Variants in PMM2 observed in about 807,000 individuals in gnomAD.
PMM2 encodes the protein phosphomannomutase 2.
PMM2 carries 35 observed loss-of-function variants against 33.2 expected under a neutral mutation model. The ratio of observed to expected loss-of-function variants is 1.06; its 90% CI spans 0.81 to 1.40. PMM2 has a LOEUF of 1.40. Ranked by LOEUF, PMM2 falls within the 40% of genes most tolerant of loss-of-function variation. The pLI is 0.00. For synonymous variants in PMM2, 153 were observed against 114.7 expected (o/e 1.33, Z -2.13); for missense variants, 386 against 306.0 (o/e 1.26, Z -1.95).
At chr16:8,827,870 T>TG (rs1159710995) in intron 7 of PMM2, among the ~76,000 whole-genome samples, 4 of 106,920 alleles carry the variant, frequency 3.7e-5, no homozygotes, top group African/African-American at 1.4e-4. Context: ...ATATATTATA[T>TG]ATATGTTATA....
chr16:8,812,461 A>G (rs1276218180), intron 6 of PMM2, among the ~76,000 whole-genome samples: 1 of 152,214 alleles, frequency 6.6e-6, no homozygotes, highest in Non-Finnish European at 1.5e-5. Context: ...TATTTAACAG[A>G]TGAGTGGGTG....
At chr16:8,812,961 G>C (rs189031794) in intron 6 of PMM2, 30 bp from the exon 7 acceptor site, 1 of 1,234,932 alleles carries the variant, frequency 8.1e-7, no homozygotes, top group African/African-American at 1.5e-5. Context: ...TTCACCTTTT[G>C]CCTTTGTGTG....
intron 7 of PMM2, among the ~76,000 whole-genome samples, chr16:8,840,289 C>T (rs965285905): frequency 6.6e-6 from 1 of 151,860 alleles, no homozygotes; most frequent in Non-Finnish European, 1.5e-5. Flanking sequence ...TGGAGGGTGC[C>T]TTGCCAGCAA....
At chr16:8,843,435 G>C (rs1241442929) in intron 7 of PMM2, among the ~76,000 whole-genome samples, 2 of 152,124 alleles carry the variant, frequency 1.3e-5, no homozygotes, top group African/African-American at 4.8e-5. Context: ...CAGGTGAGTT[G>C]AACAGTCCGA....
intron 7 of PMM2, among the ~76,000 whole-genome samples, chr16:8,819,540 A>G (rs79267711): frequency 3.7e-4 from 57 of 152,170 alleles, no homozygotes; most frequent in African/African-American, 1.3e-3. Context: ...AAATTTTTAA[A>G]TCAACTTGAG....
At chr16:8,811,520 C>A in intron 5 of PMM2, 118 bp from the exon 6 acceptor site, 1 of 765,142 alleles carries the variant, frequency 1.3e-6, no homozygotes. Context: ...ACCCCCATCT[C>A]AAAAACTAAA....
In PMM2 at chr16:8,825,979, C is replaced by G. The variant is rs138162794; in HGVS notation, c.639+12873C>G. 1.2e-4 allele frequency among the ~76,000 whole-genome samples: 18 copies of G among 152,212 alleles called. No individual in the cohort carries two copies. The East Asian group carries it at 3.5e-3, about 29-fold the overall frequency. Reference sequence around the variant, plus strand: ...CCATATGGGCCAGGCTGGTTTCGAACTTCTGACCTCGTGATCTGCCTGCGT... The same window carrying G: ...CCATATGGGCCAGGCTGGTTTCGAAGTTCTGACCTCGTGATCTGCCTGCGT... On this transcript the variant is annotated intron_variant, in intron 7 of 7. Transcript: ENST00000268261.
At chr16:8,802,087 T>A (rs1396397333) in intron 2 of PMM2, 177 bp downstream of exon 2, 1 of 599,192 alleles carries the variant, frequency 1.7e-6, no homozygotes. Context: ...CCAGTACATT[T>A]CTGGAGTTAC....
At chr16:8,840,259 C>T (rs907635587) in intron 7 of PMM2, among the ~76,000 whole-genome samples, 1 of 151,872 alleles carries the variant, frequency 6.6e-6, no homozygotes, top group African/African-American at 2.4e-5. Flanking sequence ...AAGAATAGAA[C>T]TTCATCAGGG....
At chr16:8,814,230 G>A (rs776945381) in intron 7 of PMM2, among the ~76,000 whole-genome samples, 2 of 151,964 alleles carry the variant, frequency 1.3e-5, no homozygotes, top group African/African-American at 2.4e-5. Flanking sequence ...CTGCCTCAGC[G>A]ATCCACCCAC....
chr16:8,798,042 T>C (rs1393515912), intron 1 of PMM2, 94 bp downstream of exon 1: 9 of 1,263,348 alleles, frequency 7.1e-6, no homozygotes, highest in Non-Finnish European at 1.0e-5. Context: ...CGCCAAGGGG[T>C]GGCTAAGGAC....
chr16:8,832,361 C>A, intron 7 of PMM2: 1 of 985,422 alleles, frequency 1.0e-6, no homozygotes, highest in Non-Finnish European at 1.2e-6. Flanking sequence ...ATTTCACCTT[C>A]CTGGATGGGA....
chr16:8,840,536 CA>C (rs1245537860), intron 7 of PMM2, among the ~76,000 whole-genome samples: 1 of 151,904 alleles, frequency 6.6e-6, no homozygotes, highest in Middle Eastern at 3.4e-3. Context: ...AGCCCTGTTG[CA>C]AAAAGTAGGG....
chr16:8,834,516 C>G (rs1393704640), intron 7 of PMM2, among the ~76,000 whole-genome samples: 2 of 151,946 alleles, frequency 1.3e-5, no homozygotes, highest in African/African-American at 4.8e-5. Flanking sequence ...AGTTACCTGA[C>G]TCGGGGCATG....
At chr16:8,837,436 G>C (rs1037141552) in intron 7 of PMM2, among the ~76,000 whole-genome samples, 1 of 151,900 alleles carries the variant, frequency 6.6e-6, no homozygotes, top group African/African-American at 2.4e-5. Context: ...TAAGAACACA[G>C]GCTAAGGGAG....
intron 2 of PMM2, chr16:8,802,293 C>G: frequency 4.4e-6 from 2 of 455,974 alleles, no homozygotes; most frequent in Middle Eastern, 3.3e-4. Flanking sequence ...GAAACAGAAT[C>G]TCCAGCACAG....
In PMM2 at chr16:8,813,018, C is replaced by T. The variant is rs752093754; in HGVS notation, c.551C>T (p.Pro184Leu). Reference protein sequence around the residue: ...IGGQISFDVFPDGWDKRYCLR... With the variant: ...IGGQISFDVFLDGWDKRYCLR... Reference sequence around the variant, plus strand: ...GGCCAGATCAGCTTTGATGTCTTTCCTGATGGATGGGACAAGAGATACTGT... The same window carrying T: ...GGCCAGATCAGCTTTGATGTCTTTCTTGATGGATGGGACAAGAGATACTGT... Residue 184 changes from proline to leucine, a missense_variant, in exon 7 of 8, where the codon CCT (proline) becomes CTT (leucine). By Grantham distance (98) the Pro-to-Leu change is moderately conservative. Coordinates refer to ENST00000268261, the MANE Select transcript of PMM2 (RefSeq NM_000303.3). 1 of 1,613,312 alleles carries T rather than the reference C, an allele frequency of 6.2e-7. No individual in the cohort carries two copies. The highest frequency in any genetic ancestry group is 8.5e-7 in the Non-Finnish European group (1 of 1,179,252).
intron 7 of PMM2, among the ~76,000 whole-genome samples, chr16:8,818,869 C>T (rs967777211): frequency 3.3e-5 from 5 of 149,330 alleles, no homozygotes; most frequent in Non-Finnish European, 2.9e-5. Context: ...TGGTTTGTTG[C>T]AGAGAGAGAG....
intron 7 of PMM2, among the ~76,000 whole-genome samples, chr16:8,841,037 T>A (rs984493136): frequency 6.6e-6 from 1 of 152,042 alleles, no homozygotes; most frequent in Non-Finnish European, 1.5e-5. Context: ...CCCTGTAGCA[T>A]CTCGAGAACA....
Sources: gnomAD v4.1 joint callset for allele counts (sites outside exome capture counted in the v4.1 genomes callset) on GRCh38, gnomAD v4.1.1 for gene constraint, MANE v1.5 for transcripts, NCBI Gene and HGNC (gene_info 2026-07-23, HGNC 2026-07-21) for gene names.